Variants in DDX19B observed in about 807,000 individuals in gnomAD.
DDX19B encodes DEAD-box helicase 19B.
Under a neutral mutation model 58.1 loss-of-function variants are expected in DDX19B, and 27 were observed. The observed-to-expected ratio is 0.46, with a 90% CI of 0.34 to 0.64. The LOEUF (loss-of-function observed/expected upper bound fraction) is 0.64, where lower values mean the gene tolerates loss of function less well. Ranked by LOEUF, DDX19B falls within the 30% of genes least tolerant of loss-of-function variation. The probability of loss-of-function intolerance (pLI) is 0.01; values close to 1 mark genes in which losing one functional copy is unlikely to be tolerated. For synonymous variants in DDX19B, 187 were observed against 214.4 expected (o/e 0.87, Z 1.12); for missense variants, 399 against 596.5 (o/e 0.67, Z 3.45).
In DDX19B at chr16:70,315,386, CAAAA is replaced by C. The variant is rs750665674; in HGVS notation, c.160+448_160+451del. Among the ~76,000 whole-genome samples, 460 of 54,618 alleles carry C rather than the reference CAAAA, an allele frequency of 8.4e-3. 1 individual carries two copies. The highest frequency in any genetic ancestry group is 0.014 in the Non-Finnish European group (361 of 26,038). The allele number at this position is 54,618 out of a possible 152,430, so 35.8% of individuals were successfully genotyped here. A position where few individuals can be genotyped will look rare whatever the true frequency, so the allele number is the denominator to read the frequency against. ...TGGGCGAAAGAGCGAGACTCTGTCT[CAAAA>C]AAAAAAAAAAAAAAAAGTTCAATAT... On this transcript the variant is annotated intron_variant, in intron 3 of 11. Transcript: ENST00000288071.
At chr16:70,312,553 A>T in intron 1 of DDX19B, 56 bp from the exon 2 acceptor site, 1 of 1,526,140 alleles carries the variant, frequency 6.6e-7, no homozygotes, top group Non-Finnish European at 9.1e-7. Flanking sequence ...GTTGATTCCA[A>T]ATCTTTTTAA....
At chr16:70,318,296 C>A in intron 5 of DDX19B, among the ~76,000 whole-genome samples, 1 of 151,954 alleles carries the variant, frequency 6.6e-6, no homozygotes, top group East Asian at 1.9e-4. Context: ...ATCGCTTGAA[C>A]CCCGGAGGTG....
intron 2 of DDX19B, among the ~76,000 whole-genome samples, chr16:70,314,343 AGAG>A (rs1198155297): frequency 1.3e-5 from 2 of 152,004 alleles, no homozygotes; most frequent in Admixed American, 1.3e-4. Context: ...TGAGGTACGG[AGAG>A]GAGACCTAGA....
intron 6 of DDX19B, 90 bp downstream of exon 6, chr16:70,324,777 T>A: frequency 1.6e-6 from 2 of 1,282,698 alleles, no homozygotes; most frequent in Non-Finnish European, 2.2e-6. Context: ...ATGGGCTGGG[T>A]GCAGTGGCTC....
At chr16:70,292,531 T>C (rs140915694), upstream of DDX19B, among the ~76,000 whole-genome samples, 1 of 152,332 alleles carries the variant, frequency 6.6e-6, no homozygotes, top group Non-Finnish European at 1.5e-5. Context: ...TAATGATATT[T>C]TTCTGTGATA....
rs1412582790 is a variant in DDX19B at position 70,334,375 on chromosome 16, T to C, written c.*793T>C. On this transcript the variant is annotated 3_prime_UTR_variant, in exon 12 of 12. Coordinates refer to ENST00000288071, the MANE Select transcript of DDX19B (RefSeq NM_007242.7). ...TAGCGTGCCACAAAACCTGGTCTCA[T>C]GAGCATTTGCAACATCCCTTTTACA... The C allele has an allele frequency of 6.6e-6, 1 of 152,202 alleles. No individual in the cohort carries two copies. Among genetic ancestry groups the C allele is most frequent in the Admixed American group, 6.5e-5 (1 of 15,272 alleles). The allele number at this position is 152,202 out of a possible 1,614,324, so 9.4% of individuals were successfully genotyped here.
intron 5 of DDX19B, among the ~76,000 whole-genome samples, chr16:70,323,351 C>A (rs1597491368): frequency 1.3e-5 from 2 of 152,230 alleles, no homozygotes; most frequent in East Asian, 3.9e-4. Flanking sequence ...AAGAAATCAC[C>A]CACCTCAACC....
chr16:70,320,132 T>C (rs1045170345), intron 5 of DDX19B, among the ~76,000 whole-genome samples: 5 of 151,796 alleles, frequency 3.3e-5, no homozygotes, highest in African/African-American at 1.2e-4. Context: ...TTCTGGGAGA[T>C]AAGGTCTCAC....
upstream of DDX19B, among the ~76,000 whole-genome samples, chr16:70,296,049 G>C (rs553164689): frequency 2.0e-5 from 3 of 147,766 alleles, no homozygotes; most frequent in South Asian, 6.4e-4. Context: ...CTGTTGCCCA[G>C]GCTGGAGTGC....
intron 1 of DDX19B, among the ~76,000 whole-genome samples, chr16:70,307,222 G>C (rs192578265): frequency 6.6e-6 from 1 of 151,970 alleles, no homozygotes; most frequent in Admixed American, 6.6e-5. Flanking sequence ...TTCAATACTC[G>C]GGTATATATC....
intron 5 of DDX19B, among the ~76,000 whole-genome samples, chr16:70,321,949 C>T (rs1370291338): frequency 2.6e-5 from 4 of 151,658 alleles, no homozygotes; most frequent in Admixed American, 6.6e-5. Flanking sequence ...GCAAAAGAAT[C>T]GCTTGAACCT....
intron 7 of DDX19B, among the ~76,000 whole-genome samples, chr16:70,327,511 C>A (rs1031217722): frequency 6.6e-6 from 1 of 151,410 alleles, no homozygotes. Context: ...CCAGCCTGGG[C>A]GATAGAGCAA....
Position 70,317,324 on chromosome 16 carries a change from T to C in DDX19B, c.297-172T>C, listed in dbSNP as rs531067081. On this transcript the variant is annotated intron_variant, in intron 4 of 11. Transcript: ENST00000288071. Reference sequence around the variant, plus strand: ...TGAACCCGGAAGGTGGATGTTGCAGTGAGCCGAGACTGCACCTTTGCACTG... The same window carrying C: ...TGAACCCGGAAGGTGGATGTTGCAGCGAGCCGAGACTGCACCTTTGCACTG... 2.4e-5 allele frequency: 10 copies of C among 421,370 alleles called. No homozygotes were observed. In the South Asian group the frequency reaches 2.9e-4, roughly 12 times the overall value. The allele number at this position is 421,370 out of a possible 1,614,324, so 26.1% of individuals were successfully genotyped here. A position where few individuals can be genotyped will look rare whatever the true frequency, so the allele number is the denominator to read the frequency against.
At chr16:70,301,307 T>G (rs1156817391) in intron 1 of DDX19B, among the ~76,000 whole-genome samples, 1 of 152,208 alleles carries the variant, frequency 6.6e-6, no homozygotes, top group Non-Finnish European at 1.5e-5. Context: ...TGGATAATAG[T>G]TTGGCTGGGT....
upstream of DDX19B, among the ~76,000 whole-genome samples, chr16:70,294,248 AT>A (rs1356478303): frequency 6.6e-6 from 1 of 151,452 alleles, no homozygotes; most frequent in Non-Finnish European, 1.5e-5. Context: ...CGCCCAGCTA[AT>A]TTTTTGTATT....
At chr16:70,314,778 T>C (rs760177556) in intron 2 of DDX19B, 124 bp from the exon 3 acceptor site, 6 of 945,228 alleles carry the variant, frequency 6.3e-6, no homozygotes, top group Non-Finnish European at 1.0e-5. Flanking sequence ...AGCGGCTCGG[T>C]TTCCTCATTT....
rs1036750006 is a variant in DDX19B at position 70,334,533 on chromosome 16, C to T, written c.*951C>T. 5 of 152,160 alleles carry T rather than the reference C, an allele frequency of 3.3e-5. No homozygotes were observed. The highest frequency in any genetic ancestry group is 1.2e-4 in the African/African-American group (5 of 41,456). The allele number at this position is 152,160 out of a possible 1,614,324, so 9.4% of individuals were successfully genotyped here. ...TTCTAGATGTGATCAGCAGTAGTCA[C>T]AAATTCTTGTTTTGTCTCCACACCC... On this transcript the variant is annotated 3_prime_UTR_variant, in exon 12 of 12. Transcript: ENST00000288071.
intron 10 of DDX19B, 35 bp downstream of exon 10, chr16:70,331,919 G>A (rs1963503518): frequency 5.0e-6 from 8 of 1,605,608 alleles, no homozygotes; most frequent in South Asian, 1.1e-5. Context: ...GGTCTGCCAG[G>A]CTTGGGGTCC....
chr16:70,332,994 G>A lies in DDX19B; in HGVS notation c.1213G>A (p.Val405Ile), dbSNP rs1435850462. ...CATTGATGTTGAACAAGTGTCTGTCGTCATCAACTTTGATCTTCCCGTGGA... is the reference window on the plus strand; with the variant it reads ...CATTGATGTTGAACAAGTGTCTGTCATCATCAACTTTGATCTTCCCGTGGA... ...RGIDVEQVSVVINFDLPVDKD... is the reference protein window; with the variant it reads ...RGIDVEQVSVIINFDLPVDKD... Residue 405 changes from valine to isoleucine, a missense_variant, in exon 11 of 12, where the codon GTC becomes ATC. Val to Ile is a conservative substitution (Grantham distance 29). Transcript: ENST00000288071. 11 of 1,613,006 alleles carry A rather than the reference G, an allele frequency of 6.8e-6. No homozygotes were observed. Among genetic ancestry groups the A allele is most frequent in the South Asian group, 1.1e-5 (1 of 91,030 alleles).
Sources: allele counts gnomAD v4.1 joint callset (sites outside exome capture counted in the v4.1 genomes callset), GRCh38; gene constraint gnomAD v4.1.1; transcripts MANE v1.5; gene names NCBI Gene and HGNC (gene_info 2026-07-23, HGNC 2026-07-21).